The following NALF1 variants were observed in gnomAD, a reference collection of about 807,000 sequenced individuals.
NALF1 encodes the protein family with sequence similarity 155 member A.
In NALF1, 3 loss-of-function variants were observed where a neutral mutation model predicts 48.4. That is an observed-to-expected ratio of 0.06 (90% confidence interval 0.03 to 0.16). The LOEUF (loss-of-function observed/expected upper bound fraction) is 0.16, where lower values mean the gene tolerates loss of function less well. Among genes scored for constraint, NALF1 ranks in the 10% least tolerant of loss-of-function variants. The pLI, the probability that NALF1 is intolerant of heterozygous loss-of-function variation, is 1.00. For synonymous variants in NALF1, 262 were observed against 245.7 expected, an observed-to-expected ratio of 1.07 and a Z score of -0.62; for missense variants, 526 against 571.5, an observed-to-expected ratio of 0.92 and a Z score of 0.81.
intron 1 of NALF1, among the ~76,000 whole-genome samples, chr13:107,514,819 T>G (rs1876008310): frequency 2.0e-5 from 3 of 152,204 alleles, no homozygotes; most frequent in Non-Finnish European, 4.4e-5. Flanking sequence ...GGCTGTAGCC[T>G]GAATCATTGC....
At chr13:107,802,134 G>C (rs1350275186) in intron 1 of NALF1, among the ~76,000 whole-genome samples, 2 of 152,134 alleles carry the variant, frequency 1.3e-5, no homozygotes, top group Non-Finnish European at 2.9e-5. Context: ...GAAGACATTT[G>C]TGTCAAATAT....
At chr13:107,758,961 C>A (rs1013544411) in intron 1 of NALF1, among the ~76,000 whole-genome samples, 6 of 152,150 alleles carry the variant, frequency 3.9e-5, no homozygotes, top group African/African-American at 1.4e-4. Flanking sequence ...ATGATCTAAG[C>A]TGAAAGAGTG....
intron 1 of NALF1, among the ~76,000 whole-genome samples, chr13:107,423,802 G>T (rs1594055265): frequency 6.6e-6 from 1 of 152,086 alleles, no homozygotes; most frequent in Admixed American, 6.6e-5. Context: ...AATTGCCCTG[G>T]AAAGCCAATA....
At chr13:107,403,147 A>C (rs1257498166) in intron 1 of NALF1, among the ~76,000 whole-genome samples, 1 of 126,920 alleles carries the variant, frequency 7.9e-6, no homozygotes, top group Non-Finnish European at 1.6e-5. Flanking sequence ...ACTTGACCCC[A>C]CATTTTAGTA....
intron 1 of NALF1, among the ~76,000 whole-genome samples, chr13:107,568,703 T>A (rs1476490550): frequency 6.6e-6 from 1 of 152,238 alleles, no homozygotes; most frequent in Non-Finnish European, 1.5e-5. Context: ...TGGTTAATGA[T>A]GAAGATCTTT....
intron 1 of NALF1, among the ~76,000 whole-genome samples, chr13:107,440,385 G>C (rs911529625): frequency 1.3e-5 from 2 of 152,146 alleles, no homozygotes; most frequent in Non-Finnish European, 2.9e-5. Context: ...TTAAAGTTTC[G>C]CATAGGTGGC....
At chr13:107,314,039 T>C (rs1254720848) in intron 1 of NALF1, among the ~76,000 whole-genome samples, 1 of 152,132 alleles carries the variant, frequency 6.6e-6, no homozygotes, top group African/African-American at 2.4e-5. Flanking sequence ...ATACTTTTGG[T>C]TCACAATAAC....
At chr13:107,279,660 C>T (rs1228572802) in intron 1 of NALF1, among the ~76,000 whole-genome samples, 2 of 152,178 alleles carry the variant, frequency 1.3e-5, no homozygotes, top group African/African-American at 4.8e-5. Context: ...TCTTCAATCC[C>T]TCTATCTCTA....
chr13:107,851,171 C>A (rs1543005), intron 1 of NALF1, among the ~76,000 whole-genome samples: 89,372 of 151,850 alleles, frequency 0.59, 27,643 homozygotes, highest in Non-Finnish European at 0.68. Context: ...TCAATGTCGT[C>A]TGAATTTTTT....
chr13:107,597,295 C>A (rs759550206), intron 1 of NALF1, among the ~76,000 whole-genome samples: 4 of 152,066 alleles, frequency 2.6e-5, no homozygotes, highest in Non-Finnish European at 1.5e-5. Flanking sequence ...AATGTGTACT[C>A]GCACACGTAC....
intron 1 of NALF1, among the ~76,000 whole-genome samples, chr13:107,837,703 C>A (rs112916155): frequency 6.6e-6 from 1 of 151,956 alleles, no homozygotes; most frequent in African/African-American, 2.4e-5. Context: ...CAGGAGTCAG[C>A]GTGACATCTG....
chr13:107,682,319 T>G (rs1881327413), intron 1 of NALF1, among the ~76,000 whole-genome samples: 2 of 152,232 alleles, frequency 1.3e-5, no homozygotes. Context: ...AGGAGGAATC[T>G]GCCCTGCTTG....
At chr13:107,348,460 T>A (rs1222338064) in intron 1 of NALF1, among the ~76,000 whole-genome samples, 1 of 152,218 alleles carries the variant, frequency 6.6e-6, no homozygotes, top group Non-Finnish European at 1.5e-5. Context: ...ACTTCTGGGA[T>A]ACATGTGCAG....
intron 1 of NALF1, among the ~76,000 whole-genome samples, chr13:107,459,619 T>G (rs1884884665): frequency 6.6e-6 from 1 of 152,120 alleles, no homozygotes; most frequent in Admixed American, 6.5e-5. Context: ...TTCCAAGACT[T>G]CAAGATAAAA....
At chr13:107,709,187 C>T (rs1875495007) in intron 1 of NALF1, among the ~76,000 whole-genome samples, 1 of 152,204 alleles carries the variant, frequency 6.6e-6, no homozygotes. Context: ...ATAAATATCA[C>T]TTCCAAGGGC....
intron 1 of NALF1, among the ~76,000 whole-genome samples, chr13:107,290,443 G>A (rs904797151): frequency 5.9e-5 from 9 of 152,148 alleles, no homozygotes; most frequent in Admixed American, 5.9e-4. Flanking sequence ...GAACCATAGG[G>A]GCCGTTTCCC....
At chr13:107,667,933 C>T (rs962719771) in intron 1 of NALF1, among the ~76,000 whole-genome samples, 2 of 152,090 alleles carry the variant, frequency 1.3e-5, no homozygotes, top group East Asian at 3.8e-4. Context: ...GAACCACTTT[C>T]TTGTTATATA....
At chr13:107,828,450 A>C (rs571226067) in intron 1 of NALF1, among the ~76,000 whole-genome samples, 1 of 149,550 alleles carries the variant, frequency 6.7e-6, no homozygotes, top group East Asian at 2.0e-4. Flanking sequence ...AAATCAAATC[A>C]CTCAGAAAAT....
At chr13:107,468,587 T>C (rs1885046557) in intron 1 of NALF1, among the ~76,000 whole-genome samples, 1 of 152,230 alleles carries the variant, frequency 6.6e-6, no homozygotes, top group Admixed American at 6.5e-5. Context: ...AATTTCTATT[T>C]TCAACAGTAT....
Sources: gnomAD v4.1 joint callset for allele counts (sites outside exome capture counted in the v4.1 genomes callset) on GRCh38, gnomAD v4.1.1 for gene constraint, MANE v1.5 for transcripts, NCBI Gene and HGNC (gene_info 2026-07-23, HGNC 2026-07-21) for gene names.